ZNF385D: variants seen among roughly 807,000 people sequenced by gnomAD.
The protein encoded by ZNF385D is zinc finger protein 659.
ZNF385D carries 15 observed loss-of-function variants against 35.8 expected under a neutral mutation model. The ratio of observed to expected loss-of-function variants is 0.42; its 90% confidence interval spans 0.28 to 0.64. The LOEUF is 0.64. Among genes scored for constraint, ZNF385D ranks in the 30% least tolerant of loss-of-function variants. The probability of loss-of-function intolerance (pLI) is 0.23; values close to 1 mark genes in which losing one functional copy is unlikely to be tolerated. For synonymous variants in ZNF385D, 212 were observed against 186.8 expected (o/e 1.13, Z -1.10); for missense variants, 474 against 494.6 (o/e 0.96, Z 0.39).
intron 3 of ZNF385D, among the ~76,000 whole-genome samples, chr3:22,045,102 A>G (rs561191050): frequency 6.6e-6 from 1 of 151,974 alleles, no homozygotes. Flanking sequence ...TCGGATCCCT[A>G]TTGCTTTTGG....
At chr3:22,124,271 A>ACCTCTATACTTTTCTCCATAG (rs1703296127) in intron 3 of ZNF385D, among the ~76,000 whole-genome samples, 1 of 152,048 alleles carries the variant, frequency 6.6e-6, no homozygotes, top group Non-Finnish European at 1.5e-5. Flanking sequence ...ATTCTTTGTA[A>ACCTCTATACTTTTCTCCATAG]TGGCTGAATA....
At chr3:21,466,399 A>G (rs576029718) in intron 4 of ZNF385D, among the ~76,000 whole-genome samples, 117 of 152,260 alleles carry the variant, frequency 7.7e-4, no homozygotes, top group African/African-American at 2.8e-3. Flanking sequence ...CTTTGCCTTT[A>G]GCATGGTTCA....
chr3:21,878,493 A>G (rs185670933), intron 3 of ZNF385D, among the ~76,000 whole-genome samples: 2 of 151,850 alleles, frequency 1.3e-5, no homozygotes, highest in East Asian at 3.9e-4. Flanking sequence ...TCATACGTTG[A>G]AAATCTATTT....
intron 3 of ZNF385D, among the ~76,000 whole-genome samples, chr3:22,075,828 C>T (rs539735126): frequency 2.0e-5 from 3 of 151,880 alleles, no homozygotes; most frequent in East Asian, 1.9e-4. Context: ...ACATTTCTAT[C>T]TTCAAATGCA....
At chr3:21,959,066 G>C (rs1702440102) in intron 3 of ZNF385D, 1 of 152,126 alleles carries the variant, frequency 6.6e-6, no homozygotes, top group Admixed American at 6.6e-5. Context: ...AGTTAATAAA[G>C]TTACTTTTAA....
chr3:22,254,157 G>T (rs983376072), intron 2 of ZNF385D, among the ~76,000 whole-genome samples: 2 of 151,582 alleles, frequency 1.3e-5, no homozygotes, highest in African/African-American at 4.8e-5. Flanking sequence ...AAGAGAGAAA[G>T]GGAAATTCTC....
chr3:21,903,467 TATC>T (rs1699517109), intron 3 of ZNF385D, among the ~76,000 whole-genome samples: 2 of 152,126 alleles, frequency 1.3e-5, no homozygotes, highest in African/African-American at 4.8e-5. Context: ...TCATAGACAG[TATC>T]ATCTCAGGCA....
intron 4 of ZNF385D, among the ~76,000 whole-genome samples, chr3:21,502,521 T>G (rs1706457394): frequency 6.6e-6 from 1 of 152,206 alleles, no homozygotes; most frequent in African/African-American, 2.4e-5. Context: ...TCAAAACTTT[T>G]ATCAGCCAAA....
chr3:21,623,042 C>T (rs1210758677), intron 2 of ZNF385D, among the ~76,000 whole-genome samples: 1 of 152,056 alleles, frequency 6.6e-6, no homozygotes, highest in Non-Finnish European at 1.5e-5. Context: ...GGCAGTATAA[C>T]ATGTTCGAGC....
chr3:21,564,555 C>A lies in ZNF385D; in HGVS notation c.276+19G>T. ...AATGTATTTTTTTTTTTTAAGTGAACACTAAATGATAAACTTACATCAGAA... is the reference window on the plus strand; with the variant it reads ...AATGTATTTTTTTTTTTTAAGTGAAAACTAAATGATAAACTTACATCAGAA... On this transcript the variant is annotated intron_variant, in intron 3 of 7. Coordinates refer to ENST00000281523, the MANE Select transcript of ZNF385D (RefSeq NM_024697.3). The A allele has an allele frequency of 2.8e-6, 4 of 1,406,876 alleles. No individual in the cohort carries two copies. Among genetic ancestry groups the A allele is most frequent in the East Asian group, 2.5e-5 (1 of 39,596 alleles). 87.1% of individuals were successfully genotyped at this position (1,406,876 alleles called of 1,614,324 possible). A position where few individuals can be genotyped will look rare whatever the true frequency, so the allele number is the denominator to read the frequency against.
chr3:21,970,586 G>C (rs1703185133), intron 3 of ZNF385D, among the ~76,000 whole-genome samples: 1 of 151,728 alleles, frequency 6.6e-6, no homozygotes, highest in South Asian at 2.1e-4. Flanking sequence ...GCCAAATCTA[G>C]GAGTTATTGG....
At chr3:22,369,387 G>A (rs1575216305) in intron 2 of ZNF385D, among the ~76,000 whole-genome samples, 1 of 151,928 alleles carries the variant, frequency 6.6e-6, no homozygotes, top group South Asian at 2.1e-4. Flanking sequence ...GCAGTTTGAC[G>A]ATTCAAGTTC....
chr3:21,512,760 C>A (rs1398514043), intron 3 of ZNF385D, among the ~76,000 whole-genome samples: 1 of 152,134 alleles, frequency 6.6e-6, no homozygotes, highest in African/African-American at 2.4e-5. Flanking sequence ...GAGAATGCCA[C>A]TTTGAGGACA....
chr3:22,092,010 T>C (rs1252652796), intron 3 of ZNF385D, among the ~76,000 whole-genome samples: 1 of 152,184 alleles, frequency 6.6e-6, no homozygotes, highest in Admixed American at 6.6e-5. Context: ...ACCTTCACTT[T>C]CAGGAAGAAC....
chr3:22,212,379 C>A (rs573143809), intron 2 of ZNF385D, among the ~76,000 whole-genome samples: 1 of 152,084 alleles, frequency 6.6e-6, no homozygotes, highest in Admixed American at 6.6e-5. Flanking sequence ...TGTCTTTCTG[C>A]AATGGTTTCA....
At chr3:21,609,523 A>G (rs545729089) in intron 2 of ZNF385D, among the ~76,000 whole-genome samples, 10 of 152,188 alleles carry the variant, frequency 6.6e-5, no homozygotes, top group Non-Finnish European at 1.2e-4. Context: ...AATTCTAGAC[A>G]CCACTATTTT....
chr3:22,225,788 C>T (rs1698517802), intron 2 of ZNF385D, among the ~76,000 whole-genome samples: 1 of 152,212 alleles, frequency 6.6e-6, no homozygotes, highest in Non-Finnish European at 1.5e-5. Flanking sequence ...CAAATTTTTA[C>T]ACTCATCTCA....
rs571647020 is a variant in ZNF385D, at chr3:21,964,516, G to T, written c.325+204301C>A. On this transcript the variant is annotated intron_variant, in intron 3 of 5. Coordinates refer to the ZNF385D transcript ENST00000494108. ...TTTTTTTTTTTTTTTCTGAGACGGA[G>T]TCTCACTCTGTCGCCCAGGCTGGTG... Among the ~76,000 whole-genome samples, 5 of 110,326 alleles carry T rather than the reference G, an allele frequency of 4.5e-5. No individual in the cohort carries two copies. In the East Asian group the frequency reaches 1.4e-3, roughly 32 times the overall value. The allele number at this position is 110,326 out of a possible 152,430, so 72.4% of individuals were successfully genotyped here.
At chr3:21,713,240 G>A (rs758032555) in intron 1 of ZNF385D, among the ~76,000 whole-genome samples, 1 of 152,208 alleles carries the variant, frequency 6.6e-6, no homozygotes, top group Non-Finnish European at 1.5e-5. Context: ...TACAAGGGAA[G>A]TTCCAAACTA....
Sources: gnomAD v4.1 joint callset for allele counts (sites outside exome capture counted in the v4.1 genomes callset) on GRCh38, gnomAD v4.1.1 for gene constraint, MANE v1.5 for transcripts, NCBI Gene and HGNC (gene_info 2026-07-23, HGNC 2026-07-21) for gene names.